The following CEP290 variants were observed in gnomAD, a reference collection of about 807,000 sequenced individuals.
CEP290 encodes the protein centrosomal protein of 290 kDa.
A neutral mutation model predicts 344.9 loss-of-function variants in CEP290; 317 were observed. That is an observed-to-expected ratio of 0.92 (90% CI 0.84 to 1.01). CEP290 has a LOEUF of 1.01. Among genes scored for constraint, CEP290 ranks in the 50% least tolerant of loss-of-function variants. The pLI is 0.00. For synonymous variants in CEP290, 932 were observed against 895.8 expected (o/e 1.04, Z -0.72); for missense variants, 2,754 against 2,761.4 (o/e 1.00, Z 0.06).
rs540340404 is a variant in CEP290, at chr12:88,053,657, A to G, written c.7124T>C (p.Ile2375Thr). ...TGTTTTTTAAAATACATTACCAGGT[A>G]TGGTGCTTTCAGCTCCACTTTGGTC... ...NKDQSGAEST[I>T]PDADQLKEKI... is the part of the protein sequence containing the mutation. Residue 2375 changes from isoleucine (I) to threonine (T), a missense_variant, in exon 52 of 54, where the codon ATA becomes ACA. Ile to Thr is a moderately conservative substitution (Grantham distance 89). Transcript: ENST00000552810. The G allele has an allele frequency of 8.1e-6, 12 of 1,487,174 alleles. No homozygotes were observed. Among genetic ancestry groups the G allele is most frequent in the Non-Finnish European group, 8.3e-6 (9 of 1,090,038 alleles). The allele number at this position is 1,487,174 out of a possible 1,614,324, so 92.1% of individuals were successfully genotyped here. A position where few individuals can be genotyped will look rare whatever the true frequency, so the allele number is the denominator to read the frequency against.
At position 88,055,654 on chromosome 12, in the gene CEP290, A is replaced by G. The variant is rs759290213; in HGVS notation, c.6882T>C (p.Thr2294=). The change falls in exon 50 of 54, where the codon ACT becomes ACC. Residue 2294 remains threonine, a synonymous_variant. Transcript: ENST00000552810. ...CTTCTTTTACAAGCTGTTTAAGGTCAGTAATGCTTTGATTTTTTTTGGCAA... is the reference window on the plus strand; with the variant it reads ...CTTCTTTTACAAGCTGTTTAAGGTCGGTAATGCTTTGATTTTTTTTGGCAA... ...TDIAKKNQSI[T]DLKQLVKEAT... 1.9e-6 allele frequency: 3 copies of G among 1,562,674 alleles called. No individual in the cohort carries two copies. In the African/African-American group the frequency reaches 4.1e-5, roughly 21 times the overall value.
rs762217156 is a variant in CEP290 at position 88,080,402 on chromosome 12, T to C, written c.5013-7A>G. On this transcript the variant is annotated splice_polypyrimidine_tract_variant and splice_region_variant and intron_variant, in intron 37 of 53. Coordinates refer to ENST00000552810, the MANE Select transcript of CEP290 (RefSeq NM_025114.4). ...TTCATGGTTTTCTTGAAGCCTGATGTAAATAAACATATGTGTGTGTGTGTT... is the reference window on the plus strand; with the variant it reads ...TTCATGGTTTTCTTGAAGCCTGATGCAAATAAACATATGTGTGTGTGTGTT... 18 of 1,592,570 alleles carry C rather than the reference T, an allele frequency of 1.1e-5. No individual in the cohort carries two copies. The South Asian group carries it at 1.9e-4, about 17-fold the overall frequency.
intron 5 of CEP290, 85 bp from the exon 6 acceptor site, chr12:88,136,871 G>A: frequency 8.2e-7 from 1 of 1,222,570 alleles, no homozygotes; most frequent in South Asian, 1.3e-5. Context: ...TAATTATGCT[G>A]AATTTAAATT....
intron 3 of CEP290, among the ~76,000 whole-genome samples, chr12:88,140,503 A>G (rs532275741): frequency 3.3e-4 from 51 of 152,312 alleles, no homozygotes; most frequent in African/African-American, 1.2e-3. Flanking sequence ...AAGAATAAAC[A>G]TATTTCCTGT....
At position 88,049,133 on chromosome 12, in the gene CEP290, A is replaced by T; in HGVS notation, c.*51T>A. 2 of 1,101,220 alleles carry T rather than the reference A, an allele frequency of 1.8e-6. No individual in the cohort carries two copies. Among genetic ancestry groups the T allele is most frequent in the Non-Finnish European group, 2.6e-6 (2 of 755,460 alleles). 68.2% of individuals were successfully genotyped at this position (1,101,220 alleles called of 1,614,324 possible). On this transcript the variant is annotated 3_prime_UTR_variant, in exon 54 of 54. Coordinates refer to ENST00000552810, the MANE Select transcript of CEP290 (RefSeq NM_025114.4). Reference sequence around the variant, plus strand: ...GAACTGCTTATTTCCAAGTATATTTAACTTATAAAGTTAATAAATAGTTAA... The same window carrying T: ...GAACTGCTTATTTCCAAGTATATTTTACTTATAAAGTTAATAAATAGTTAA...
At chr12:88,071,997 A>C in intron 41 of CEP290, 71 bp from the exon 42 acceptor site, 1 of 1,343,494 alleles carries the variant, frequency 7.4e-7, no homozygotes, top group Non-Finnish European at 9.9e-7. Flanking sequence ...TTTATCAATT[A>C]TAATTTGCCT....
At chr12:88,127,022 GT>G (rs1463129064) in intron 11 of CEP290, among the ~76,000 whole-genome samples, 1 of 12,354 alleles carries the variant, frequency 8.1e-5, no homozygotes, top group Non-Finnish European at 3.2e-4. Flanking sequence ...AAATAATAAC[GT>G]TTTTAGATAT....
At chr12:88,057,068 AT>A (rs1483862364) in intron 49 of CEP290, among the ~76,000 whole-genome samples, 2 of 152,136 alleles carry the variant, frequency 1.3e-5, no homozygotes, top group African/African-American at 4.8e-5. Context: ...CACGTATATG[AT>A]CTAAAATGCA....
Position 88,079,141 on chromosome 12 carries a change from G to T in CEP290, c.5315C>A (p.Ala1772Asp), listed in dbSNP as rs1442922796. The T allele has an allele frequency of 1.3e-6, 2 of 1,597,648 alleles. No homozygotes were observed. The highest frequency in any genetic ancestry group is 1.7e-6 in the Non-Finnish European group (2 of 1,173,476). The change falls in exon 39 of 54, where the codon GCC becomes GAC. Residue 1772 changes from alanine to aspartate, a missense_variant. Ala to Asp is a moderately radical substitution (Grantham distance 126). Coordinates refer to ENST00000552810, the MANE Select transcript of CEP290 (RefSeq NM_025114.4). ...AACGATTTGTTGAACATTGAGATGG[G>T]CCTCTTTTTGAGAAGTTGCAGAAAT... ...RIISATSQKE[A>D]HLNVQQIVDR...
intron 41 of CEP290, among the ~76,000 whole-genome samples, chr12:88,072,323 G>A (rs2035442612): frequency 6.6e-6 from 1 of 151,880 alleles, no homozygotes; most frequent in Middle Eastern, 3.2e-3. Flanking sequence ...CTCATCATAT[G>A]AGGTCACATC....
chr12:88,086,724 C>T (rs925630244), intron 32 of CEP290, among the ~76,000 whole-genome samples: 2 of 152,064 alleles, frequency 1.3e-5, no homozygotes, highest in Non-Finnish European at 2.9e-5. Context: ...TCCATCCATC[C>T]ATCCATCCAT....
intron 29 of CEP290, among the ~76,000 whole-genome samples, chr12:88,092,244 T>G (rs982070361): frequency 6.6e-5 from 10 of 152,196 alleles, no homozygotes. Context: ...AGATGCCCGA[T>G]AAATGTAAAC....
At chr12:88,061,154 T>C (rs540129562) in intron 46 of CEP290, among the ~76,000 whole-genome samples, 160 bp from the exon 47 acceptor site, 1 of 152,274 alleles carries the variant, frequency 6.6e-6, no homozygotes, top group African/African-American at 2.4e-5. Context: ...GAGATAGGAA[T>C]TATAATTTCC....
chr12:88,118,526 A>C lies in CEP290; in HGVS notation c.1668T>G (p.Ile556Met). Reference protein sequence around the residue: ...EEERLDLKKKIRQMAQERGKR... With the variant: ...EEERLDLKKKMRQMAQERGKR... Reference sequence around the variant, plus strand: ...TTCCTCTTTCTTGAGCCATTTGACGAATTTTTTTTTTCAGATCAAGTCGTT... The same window carrying C: ...TTCCTCTTTCTTGAGCCATTTGACGCATTTTTTTTTTCAGATCAAGTCGTT... Residue 556 changes from isoleucine to methionine, a missense_variant, in exon 17 of 54, where the codon ATT becomes ATG. By Grantham distance (10) the Ile-to-Met change is conservative. Transcript: ENST00000552810. 6.3e-7 allele frequency: 1 copy of C among 1,575,368 alleles called. No individual in the cohort carries two copies. The highest frequency in any genetic ancestry group is 8.6e-7 in the Non-Finnish European group (1 of 1,158,474).
chr12:88,106,165 C>A (rs2038263716), intron 25 of CEP290, among the ~76,000 whole-genome samples: 1 of 152,026 alleles, frequency 6.6e-6, no homozygotes, highest in Admixed American at 6.6e-5. Context: ...GTATTCTTGC[C>A]AAAAATGTTT....
chr12:88,106,008 GGC>G (rs566384253), intron 25 of CEP290, among the ~76,000 whole-genome samples: 2 of 152,192 alleles, frequency 1.3e-5, no homozygotes, highest in Admixed American at 6.5e-5. Flanking sequence ...TTCCTGCCTG[GGC>G]CTTCCAAAAT....
chr12:88,055,109 C>A lies in CEP290; in HGVS notation c.6960+467G>T, dbSNP rs544974618. The stretch of plus-strand genomic sequence containing the variant: ...GTTTTATTTTAGGGTGATGGAGAAC[C>A]ACTGGAAGATTCTGAGGATAGGACT... On this transcript the variant is annotated intron_variant, in intron 50 of 53. Transcript: ENST00000552810. 2.0e-5 allele frequency among the ~76,000 whole-genome samples: 3 copies of A among 152,114 alleles called. No homozygotes were observed. In the East Asian group the frequency reaches 5.8e-4, roughly 29 times the overall value.
intron 20 of CEP290, among the ~76,000 whole-genome samples, chr12:88,112,501 T>C (rs554425748): frequency 1.3e-5 from 2 of 152,186 alleles, no homozygotes; most frequent in East Asian, 3.9e-4. Context: ...TATTAAAATA[T>C]TATCAGAGTG....
At chr12:88,091,568 G>A (rs1005039161) in intron 29 of CEP290, among the ~76,000 whole-genome samples, 2 of 152,084 alleles carry the variant, frequency 1.3e-5, no homozygotes, top group African/African-American at 4.8e-5. Flanking sequence ...TCATACTGAT[G>A]AGAGGCTCTC....
Sources: gnomAD v4.1 joint callset for allele counts (sites outside exome capture counted in the v4.1 genomes callset) on GRCh38, gnomAD v4.1.1 for gene constraint, MANE v1.5 for transcripts, NCBI Gene and HGNC (gene_info 2026-07-23, HGNC 2026-07-21) for gene names.